Variants in ZNF251 observed in about 807,000 individuals in gnomAD.
The protein encoded by ZNF251 is zinc finger protein 251.
In ZNF251, 14 loss-of-function variants were observed where a neutral mutation model predicts 13.5. That is an observed-to-expected ratio of 1.04 (90% CI 0.69 to 1.63). ZNF251 has a LOEUF of 1.63. Among genes scored for constraint, ZNF251 ranks in the 40% most tolerant of loss-of-function variants. The pLI is 0.00. For synonymous variants in ZNF251, 287 were observed against 295.2 expected (o/e 0.97, Z 0.28); for missense variants, 764 against 834.9 (o/e 0.92, Z 1.05).
rs757809995 is a variant in ZNF251 at position 144,722,321 on chromosome 8, T to G, written c.1339A>C (p.Thr447Pro). The change falls in exon 5 of 5, where the codon ACT becomes CCT. Residue 447 changes from threonine to proline, a missense_variant. Coordinates refer to ENST00000292562, the MANE Select transcript of ZNF251 (RefSeq NM_138367.2). This position sits in a 1 kb window ranked among gnomAD's most constrained non-coding sequence, Gnocchi z 4.8. ...ECGKAFRRSS[T>P]LVQHRRVHTG... ...TGAACTCTTCGATGCTGAACAAGAGTGGAACTCCGACGAAAGGCTTTGCCG... is the reference window on the plus strand; with the variant it reads ...TGAACTCTTCGATGCTGAACAAGAGGGGAACTCCGACGAAAGGCTTTGCCG... 19 of 1,613,152 alleles carry G rather than the reference T, an allele frequency of 1.2e-5. No homozygotes were observed. The Admixed American group carries it at 1.5e-4, about 13-fold the overall frequency.
chr8:144,755,374 G>A (rs1378298525), intron 1 of ZNF251, 31 bp downstream of exon 1: 1 of 1,286,700 alleles, frequency 7.8e-7, no homozygotes, highest in Admixed American at 2.3e-5. Context: ...CTGCCCGCTT[G>A]GCGCTCCTTC....
At chr8:144,755,146 G>A (rs747105833) in intron 1 of ZNF251, 60 of 1,195,304 alleles carry the variant, frequency 5.0e-5, no homozygotes, top group Non-Finnish European at 6.2e-5. Context: ...CAAGGCTGAG[G>A]ACGTGAGAAG....
chr8:144,741,117 C>T (rs1227879517), intron 4 of ZNF251, among the ~76,000 whole-genome samples: 2 of 152,222 alleles, frequency 1.3e-5, no homozygotes, highest in African/African-American at 2.4e-5. Flanking sequence ...AAAGCAGCAT[C>T]GCAAACGCAG....
At chr8:144,732,585 G>A (rs950097879) in intron 4 of ZNF251, among the ~76,000 whole-genome samples, 1 of 151,960 alleles carries the variant, frequency 6.6e-6, no homozygotes, top group South Asian at 2.1e-4. Flanking sequence ...GGCCAAGGCG[G>A]GGGAATCACG....
At chr8:144,750,237 T>C (rs892073919) in intron 4 of ZNF251, among the ~76,000 whole-genome samples, 8 of 152,182 alleles carry the variant, frequency 5.3e-5, no homozygotes, top group Non-Finnish European at 7.3e-5. Context: ...TGTTGATAGG[T>C]AGACATGATA....
At chr8:144,740,802 A>C (rs1286476058) in intron 4 of ZNF251, among the ~76,000 whole-genome samples, 1 of 151,382 alleles carries the variant, frequency 6.6e-6, no homozygotes, top group Non-Finnish European at 1.5e-5. Flanking sequence ...GCGTGGTGGC[A>C]GGTGCCTGTA....
At chr8:144,730,772 C>A (rs1475820380) in intron 4 of ZNF251, among the ~76,000 whole-genome samples, 1 of 152,232 alleles carries the variant, frequency 6.6e-6, no homozygotes, top group Non-Finnish European at 1.5e-5. Flanking sequence ...TCACTAACCT[C>A]CTTCTTGGAC....
intron 4 of ZNF251, among the ~76,000 whole-genome samples, chr8:144,729,471 G>A (rs1354722029): frequency 6.6e-6 from 1 of 151,248 alleles, no homozygotes; most frequent in African/African-American, 2.4e-5. Flanking sequence ...CGAGTAGCTG[G>A]GACTACAGGC....
intron 4 of ZNF251, among the ~76,000 whole-genome samples, chr8:144,731,731 C>A (rs1019696536): frequency 1.3e-5 from 2 of 151,976 alleles, no homozygotes; most frequent in Non-Finnish European, 2.9e-5. Flanking sequence ...GGATTACAGG[C>A]GTGAGCCACC....
chr8:144,738,847 G>A (rs528766795), intron 4 of ZNF251: 2 of 985,268 alleles, frequency 2.0e-6, no homozygotes, highest in East Asian at 2.3e-4. Flanking sequence ...TCTTGTTCAA[G>A]GCAACCTCAT....
intron 4 of ZNF251, among the ~76,000 whole-genome samples, chr8:144,739,367 T>G (rs1176317107): frequency 1.4e-5 from 2 of 143,650 alleles, no homozygotes; most frequent in African/African-American, 5.2e-5. Context: ...AAATCATGAC[T>G]CCACTCCCCC....
At chr8:144,733,165 G>A (rs764280158) in intron 4 of ZNF251, among the ~76,000 whole-genome samples, 6 of 152,072 alleles carry the variant, frequency 3.9e-5, no homozygotes, top group Non-Finnish European at 8.8e-5. Context: ...GTTGTAATGA[G>A]CCGAGATCAT....
At chr8:144,754,631 A>C in intron 2 of ZNF251, 65 bp downstream of exon 2, 1 of 1,552,444 alleles carries the variant, frequency 6.4e-7, no homozygotes, top group Non-Finnish European at 8.7e-7. Flanking sequence ...GCTCCAGAGG[A>C]GAGTAGCTTC....
In ZNF251 at chr8:144,722,882, T is replaced by C; in HGVS notation, c.778A>G (p.Thr260Ala). 6.2e-7 allele frequency: 1 copy of C among 1,614,008 alleles called. No homozygotes were observed. The highest frequency in any genetic ancestry group is 8.5e-7 in the Non-Finnish European group (1 of 1,179,898). ...TCACATTTAAATGGTTTATTTCCAGTGTGAATGTGATGGTGCAGAACAAGA... is the reference window on the plus strand; with the variant it reads ...TCACATTTAAATGGTTTATTTCCAGCGTGAATGTGATGGTGCAGAACAAGA... ...SNLVLHHHIH[T>A]GNKPFKCDEC... Residue 260 changes from threonine to alanine, a missense_variant, in exon 5 of 5, where the codon ACT (threonine) becomes GCT (alanine). Thr to Ala is a moderately conservative substitution (Grantham distance 58, BLOSUM62 0). Coordinates refer to ENST00000292562, the MANE Select transcript of ZNF251 (RefSeq NM_138367.2). This position sits in a 1 kb window ranked among gnomAD's most constrained non-coding sequence, Gnocchi z 4.8.
chr8:144,754,625 C>T, intron 2 of ZNF251, 71 bp downstream of exon 2: 1 of 1,543,322 alleles, frequency 6.5e-7, no homozygotes. Flanking sequence ...CTCACGGCTC[C>T]AGAGGAGAGT....
At chr8:144,751,340 A>G (rs1429489348) in intron 4 of ZNF251, among the ~76,000 whole-genome samples, 2 of 152,188 alleles carry the variant, frequency 1.3e-5, no homozygotes, top group African/African-American at 2.4e-5. Flanking sequence ...CCTTTTTTAT[A>G]AACTATATAA....
chr8:144,733,844 A>G (rs1340747223), intron 4 of ZNF251, among the ~76,000 whole-genome samples: 1 of 152,168 alleles, frequency 6.6e-6, no homozygotes, highest in Non-Finnish European at 1.5e-5. Flanking sequence ...AAAAAGAAAA[A>G]AAGAAAAAAC....
chr8:144,721,664 A>G lies in ZNF251; in HGVS notation c.1996T>C (p.Phe666Leu). The stretch of plus-strand genomic sequence containing the variant: ...TCACATTAAAAATGTCTTTCTTGGA[A>G]AATCTTCTTGATATGAATAAAGTAT... ...KRYFIHIKKI[F>L]QERHF Residue 666 changes from phenylalanine (F) to leucine (L), a missense_variant, in exon 5 of 5, where the codon TTC (phenylalanine) becomes CTC (leucine). Transcript: ENST00000292562. The G allele has an allele frequency of 7.5e-7, 1 of 1,341,874 alleles. No individual in the cohort carries two copies. The highest frequency in any genetic ancestry group is 9.6e-7 in the Non-Finnish European group (1 of 1,036,738). 83.1% of individuals were successfully genotyped at this position (1,341,874 alleles called of 1,614,324 possible). A position where few individuals can be genotyped will look rare whatever the true frequency, so the allele number is the denominator to read the frequency against.
rs765638278 is a variant in ZNF251 at position 144,722,319 on chromosome 8, A to G, written c.1341T>C (p.Thr447=). ...TGTGAACTCTTCGATGCTGAACAAG[A>G]GTGGAACTCCGACGAAAGGCTTTGC... is the stretch of plus-strand genomic sequence containing the variant. The part of the protein sequence containing the change: ...ECGKAFRRSS[T]LVQHRRVHTG... The change falls in exon 5 of 5, where the codon ACT becomes ACC. Residue 447 remains threonine, a synonymous_variant. Transcript: ENST00000292562. The surrounding 1 kb of genome is among the most constrained non-coding windows in gnomAD (Gnocchi z 4.8). 7 of 1,613,450 alleles carry G rather than the reference A, an allele frequency of 4.3e-6. No homozygotes were observed. In the African/African-American group the frequency reaches 8.0e-5, roughly 18 times the overall value.
Sources: allele counts gnomAD v4.1 joint callset (sites outside exome capture counted in the v4.1 genomes callset), GRCh38; gene constraint gnomAD v4.1.1; non-coding constraint Gnocchi (gnomAD v3.1); transcripts MANE v1.5; gene names NCBI Gene and HGNC (gene_info 2026-07-23, HGNC 2026-07-21).